NEO1: variants seen among roughly 807,000 people sequenced by gnomAD.
NEO1 encodes the protein neogenin 1, also known as neogenin.
A neutral mutation model predicts 159.7 loss-of-function variants in NEO1; 63 were observed. That is an observed-to-expected ratio of 0.39 (90% CI 0.32 to 0.49). The LOEUF (loss-of-function observed/expected upper bound fraction) is 0.49, where lower values mean the gene tolerates loss of function less well. NEO1 is among the 20% of genes least tolerant of loss of function. NEO1 has a pLI of 0.85. For missense variants in NEO1, 1,615 were observed against 1,831.0 expected, an observed-to-expected ratio of 0.88 and a Z score of 2.15; for synonymous variants, 633 against 662.0, an observed-to-expected ratio of 0.96 and a Z score of 0.67.
chr15:73,126,268 C>T (rs1277129440), intron 3 of NEO1, 149 bp from the exon 4 acceptor site: 2 of 584,446 alleles, frequency 3.4e-6, no homozygotes, highest in South Asian at 2.5e-5. Flanking sequence ...TGGGGTCTTG[C>T]TATATTGCCT....
chr15:73,188,096 T>G (rs187119152), intron 7 of NEO1, among the ~76,000 whole-genome samples: 1 of 152,284 alleles, frequency 6.6e-6, no homozygotes, highest in Non-Finnish European at 1.5e-5. Flanking sequence ...TGAAAGGAAT[T>G]GTTTGTAGAC....
chr15:73,106,306 T>C (rs891563207), intron 1 of NEO1, among the ~76,000 whole-genome samples: 5 of 152,176 alleles, frequency 3.3e-5, no homozygotes, highest in Admixed American at 1.3e-4. Context: ...AGTGCAGTGC[T>C]GTACAATGGA....
In NEO1 at chr15:73,213,303, G is replaced by A. The variant is rs7174834; in HGVS notation, c.1292-23044G>A. Reference sequence around the variant, plus strand: ...ATTTTCATTTTTCCGTAAGTTATTAGGGTACAGGTGGTATTTGGTTACATA... The same window carrying A: ...ATTTTCATTTTTCCGTAAGTTATTAAGGTACAGGTGGTATTTGGTTACATA... On this transcript the variant is annotated intron_variant, in intron 7 of 28. Transcript: ENST00000261908. 8.6e-3 allele frequency among the ~76,000 whole-genome samples: 1,302 copies of A among 152,122 alleles called. 22 individuals are homozygous for A. The highest frequency in any genetic ancestry group is 0.03 in the African/African-American group (1,227 of 41,490).
At chr15:73,203,873 A>G (rs1231812848) in intron 7 of NEO1, among the ~76,000 whole-genome samples, 1 of 152,076 alleles carries the variant, frequency 6.6e-6, no homozygotes, top group Non-Finnish European at 1.5e-5. Flanking sequence ...GTCAACTAAG[A>G]ATAAGAAAAA....
At chr15:73,132,225 A>G (rs58338175) in intron 4 of NEO1, among the ~76,000 whole-genome samples, 1 of 152,166 alleles carries the variant, frequency 6.6e-6, no homozygotes, top group African/African-American at 2.4e-5. Flanking sequence ...TCTTTATCCA[A>G]CTTTTTAAGA....
At chr15:73,295,125 A>AAAATATATATATATAT (rs1555470480) in intron 26 of NEO1, among the ~76,000 whole-genome samples, 1 of 100,152 alleles carries the variant, frequency 1.0e-5, no homozygotes, top group Non-Finnish European at 2.2e-5. Flanking sequence ...CTAAATATTA[A>AAAATATATATATATAT]ATATATATAT....
At chr15:73,276,438 C>G (rs1488326469) in intron 21 of NEO1, among the ~76,000 whole-genome samples, 5 of 152,200 alleles carry the variant, frequency 3.3e-5, no homozygotes, top group Non-Finnish European at 7.3e-5. Flanking sequence ...ACCAGCTAGA[C>G]TTTGTCATAG....
chr15:73,155,468 C>T (rs190796319), intron 5 of NEO1, among the ~76,000 whole-genome samples: 112 of 152,082 alleles, frequency 7.4e-4, no homozygotes, highest in Non-Finnish European at 1.4e-3. Flanking sequence ...ATATATTTTC[C>T]TCAGGATCTC....
chr15:73,194,048 G>C (rs969824067), intron 7 of NEO1, among the ~76,000 whole-genome samples: 1 of 152,142 alleles, frequency 6.6e-6, no homozygotes, highest in African/African-American at 2.4e-5. Flanking sequence ...ATATACATCT[G>C]GGAAGGTGTG....
chr15:73,168,907 A>G lies in NEO1; in HGVS notation c.1016-7496A>G, dbSNP rs141174612. Among the ~76,000 whole-genome samples the G allele has an allele frequency of 1.6e-4, 24 of 151,888 alleles. No homozygotes were observed. In the East Asian group the frequency reaches 3.1e-3, roughly 20 times the overall value. ...TTGGGTTTTTTTTTTTAAACGGCAT[A>G]GATGTAAATTTGTGAATTACAGAAA... On this transcript the variant is annotated intron_variant, in intron 5 of 28. Transcript: ENST00000261908.
chr15:73,100,532 G>A (rs1001514256), intron 1 of NEO1, among the ~76,000 whole-genome samples: 2 of 151,716 alleles, frequency 1.3e-5, no homozygotes, highest in Non-Finnish European at 2.9e-5. Flanking sequence ...ATGGGGTTTC[G>A]GCATGTTGGC....
At chr15:73,254,649 T>C in intron 12 of NEO1, 33 bp from the exon 13 acceptor site, 1 of 1,554,380 alleles carries the variant, frequency 6.4e-7, no homozygotes, top group Non-Finnish European at 8.7e-7. Flanking sequence ...TTTGATATAT[T>C]CAGCCTTTTT....
chr15:73,298,337 T>C lies in NEO1; in HGVS notation c.3902-11T>C, dbSNP rs751061290. ...AAAAGAAATGCTAACATTTAGACTT[T>C]CCTGCTGTAGAATCCGTTCGAAATA... is the stretch of plus-strand genomic sequence containing the variant. On this transcript the variant is annotated splice_polypyrimidine_tract_variant and intron_variant, in intron 26 of 28. Coordinates refer to ENST00000261908, the MANE Select transcript of NEO1 (RefSeq NM_002499.4). 26 of 1,612,924 alleles carry C rather than the reference T, an allele frequency of 1.6e-5. No homozygotes were observed. Among genetic ancestry groups the C allele is most frequent in the Middle Eastern group, 1.6e-4 (1 of 6,078 alleles).
At position 73,135,950 on chromosome 15, in the gene NEO1, A is replaced by G. The variant is rs749840682; in HGVS notation, c.938A>G (p.Asp313Gly). The G allele has an allele frequency of 1.9e-6, 3 of 1,606,134 alleles. No individual in the cohort carries two copies. The highest frequency in any genetic ancestry group is 2.2e-5 in the South Asian group (2 of 90,526). The change falls in exon 5 of 29, where the codon GAT (aspartate) becomes GGT (glycine). Residue 313 changes from aspartate to glycine, a missense_variant. Physicochemically the swap from Asp to Gly is moderately conservative, Grantham distance 94. This residue lies in a region of NEO1 where 1,018 missense variants were observed against 1,115.4 expected (regional missense o/e 0.91). Transcript: ENST00000261908. Reference sequence around the variant, plus strand: ...CTGGAGATCAGTGATGTTACTGAGGATGATGCTGGGACTTATTTTTGTATA... The same window carrying G: ...CTGGAGATCAGTGATGTTACTGAGGGTGATGCTGGGACTTATTTTTGTATA... ...GSLEISDVTE[D>G]DAGTYFCIAD...
chr15:73,227,352 C>T (rs1318399562), intron 7 of NEO1, among the ~76,000 whole-genome samples: 6 of 152,062 alleles, frequency 3.9e-5, no homozygotes, highest in South Asian at 2.1e-4. Context: ...AAAAATTAGC[C>T]GGGTATGGTG....
intron 11 of NEO1, 112 bp downstream of exon 11, chr15:73,249,833 C>T (rs1169340663): frequency 1.6e-6 from 2 of 1,244,656 alleles, no homozygotes; most frequent in African/African-American, 3.0e-5. Context: ...CCAATTTTAC[C>T]TCTTTCTGGT....
In NEO1 at chr15:73,293,537, C is replaced by A; in HGVS notation, c.3890C>A (p.Ala1297Asp). ...IGTSMSLSDR[A>D]NSTESVRNTP... is the part of the protein sequence containing the mutation. ...ACATCCATGTCCCTTTCAGACAGGG[C>A]CAATTCCACAGGTGAGAGATGAGGA... Residue 1297 changes from alanine to aspartate, a missense_variant, in exon 26 of 29, where the codon GCC (alanine) becomes GAC (aspartate). Ala to Asp is a moderately radical substitution (Grantham distance 126). Coordinates refer to ENST00000261908, the MANE Select transcript of NEO1 (RefSeq NM_002499.4). The A allele has an allele frequency of 6.2e-7, 1 of 1,614,080 alleles. No individual in the cohort carries two copies. The highest frequency in any genetic ancestry group is 8.5e-7 in the Non-Finnish European group (1 of 1,180,000).
At position 73,303,040 on chromosome 15, in the gene NEO1, C is replaced by A; in HGVS notation, c.*344C>A. 1 of 227,888 alleles carries A rather than the reference C, an allele frequency of 4.4e-6. No homozygotes were observed. Among genetic ancestry groups the A allele is most frequent in the East Asian group, 8.9e-5 (1 of 11,196 alleles). 14.1% of individuals were successfully genotyped at this position (227,888 alleles called of 1,614,324 possible). A position where few individuals can be genotyped will look rare whatever the true frequency, so the allele number is the denominator to read the frequency against. On this transcript the variant is annotated 3_prime_UTR_variant, in exon 29 of 29. Coordinates refer to ENST00000261908, the MANE Select transcript of NEO1 (RefSeq NM_002499.4). Reference sequence around the variant, plus strand: ...TGTCTTTGTGCTGTGACTGCATCACCTTTATGGAGTGTAGACATTGGCATT... The same window carrying A: ...TGTCTTTGTGCTGTGACTGCATCACATTTATGGAGTGTAGACATTGGCATT...
At chr15:73,201,415 G>A (rs917421749) in intron 7 of NEO1, among the ~76,000 whole-genome samples, 3 of 151,784 alleles carry the variant, frequency 2.0e-5, no homozygotes, top group Non-Finnish European at 4.4e-5. Context: ...TAACGCTACT[G>A]TCTGAAAACA....
Sources: gnomAD v4.1 joint callset for allele counts (sites outside exome capture counted in the v4.1 genomes callset) on GRCh38, gnomAD v4.1.1 for gene constraint, gnomAD v4.1.1 regional missense constraint, MANE v1.5 for transcripts, NCBI Gene and HGNC (gene_info 2026-07-23, HGNC 2026-07-21) for gene names.